The following STAT1 variants were observed in gnomAD, a reference collection of about 807,000 sequenced individuals.
STAT1 encodes signal transducer and activator of transcription 1-alpha/beta.
STAT1 carries 24 observed loss-of-function variants against 111.7 expected under a neutral mutation model. That is an observed-to-expected ratio of 0.21 (90% CI 0.16 to 0.30). The LOEUF (loss-of-function observed/expected upper bound fraction) is 0.30. Among genes scored for constraint, STAT1 ranks in the 10% least tolerant of loss-of-function variants. The pLI is 1.00. For missense variants in STAT1, 351 were observed against 911.9 expected (o/e 0.38, Z 7.92); for synonymous variants, 332 against 326.5 (o/e 1.02, Z -0.18).
intron 1 of STAT1, 123 bp downstream of exon 1, chr2:191,013,895 C>G (rs2125114238): frequency 2.7e-6 from 1 of 376,564 alleles, no homozygotes; most frequent in East Asian, 3.8e-5. Flanking sequence ...CGTTCTTCCT[C>G]TGGGATCACT....
rs913551100 is a variant in STAT1 at position 190,986,754 on chromosome 2, G to T, written c.1221+100C>A. ...CCACAAAGTCTACAAACCCCAGCAG[G>T]GGGGCGTCCTCCACATGGCAATGTG... is the stretch of plus-strand genomic sequence containing the variant. On this transcript the variant is annotated intron_variant, in intron 14 of 24. Coordinates refer to ENST00000361099, the MANE Select transcript of STAT1 (RefSeq NM_007315.4). The surrounding 1 kb of genome is among the most constrained non-coding windows in gnomAD (Gnocchi z 5.0). 1.7e-6 allele frequency: 2 copies of T among 1,164,922 alleles called. No individual in the cohort carries two copies. Among genetic ancestry groups the T allele is most frequent in the South Asian group, 1.2e-5 (1 of 81,488 alleles). 72.2% of individuals were successfully genotyped at this position (1,164,922 alleles called of 1,614,324 possible).
rs1694705888 is a variant in STAT1, at chr2:191,006,433, TG to T, written c.372+1129del. Among the ~76,000 whole-genome samples, 1 of 152,204 alleles carries T rather than the reference TG, an allele frequency of 6.6e-6. No homozygotes were observed. The highest frequency in any genetic ancestry group is 2.1e-4 in the South Asian group (1 of 4,828). ...AGATGCTATCAGTGTGACAAGAAGA[TG>T]GGAACTATACGCCTAGGGAAGTGAC... On this transcript the variant is annotated intron_variant, in intron 5 of 24. Coordinates refer to ENST00000361099, the MANE Select transcript of STAT1 (RefSeq NM_007315.4). This position sits in a 1 kb window ranked among gnomAD's most constrained non-coding sequence, Gnocchi z 4.6.
At position 190,969,185 on chromosome 2, in the gene STAT1, T is replaced by G. The variant is rs1160249930; in HGVS notation, c.*1518A>C. The G allele has an allele frequency of 6.6e-6, 1 of 152,156 alleles. No homozygotes were observed. Among genetic ancestry groups the G allele is most frequent in the East Asian group, 1.9e-4 (1 of 5,204 alleles). 9.4% of individuals were successfully genotyped at this position (152,156 alleles called of 1,614,324 possible). On this transcript the variant is annotated 3_prime_UTR_variant, in exon 25 of 25. Coordinates refer to ENST00000361099, the MANE Select transcript of STAT1 (RefSeq NM_007315.4). ...ATTGTTTTAATGTTGTCTTCTTTGT[T>G]TTTTAGTCATTTCAATTGTAAAATC...
rs1692969967 is a variant in STAT1 at position 190,987,748 on chromosome 2, G to T, written c.1098-680C>A. Among the ~76,000 whole-genome samples, 1 of 152,176 alleles carries T rather than the reference G, an allele frequency of 6.6e-6. No homozygotes were observed. The highest frequency in any genetic ancestry group is 2.4e-5 in the African/African-American group (1 of 41,442). On this transcript the variant is annotated intron_variant, in intron 12 of 24. Coordinates refer to ENST00000361099, the MANE Select transcript of STAT1 (RefSeq NM_007315.4). This position sits in a 1 kb window ranked among gnomAD's most constrained non-coding sequence, Gnocchi z 4.0. ...CCGTGAGCGTCCTAGATGTAGACTA[G>T]AAATCATGGGCTCACTCACAGATCT...
rs2125054031 is a variant in STAT1, at chr2:190,993,213, TG to T, written c.944+1847del. ...TCACACTTGTTCCCTACCAACAATT[TG>T]TTGACGTTTTCACTGGGATAATGAT... On this transcript the variant is annotated intron_variant, in intron 10 of 24. Coordinates refer to ENST00000361099, the MANE Select transcript of STAT1 (RefSeq NM_007315.4). This position sits in a 1 kb window ranked among gnomAD's most constrained non-coding sequence, Gnocchi z 4.1. 1.8e-6 allele frequency: 1 copy of T among 558,204 alleles called. No individual in the cohort carries two copies. Among genetic ancestry groups the T allele is most frequent in the South Asian group, 1.8e-5 (1 of 57,020 alleles). The allele number at this position is 558,204 out of a possible 1,614,324, so 34.6% of individuals were successfully genotyped here.
chr2:190,982,315 A>G lies in STAT1; in HGVS notation c.1582+68T>C. 6.3e-7 allele frequency: 1 copy of G among 1,579,624 alleles called. No homozygotes were observed. Among genetic ancestry groups the G allele is most frequent in the Middle Eastern group, 1.7e-4 (1 of 5,932 alleles). ...CTTTAACAAAATAGCAGAGGGGAAA[A>G]GAGCAATTAGAGAGATATTTTTATG... On this transcript the variant is annotated intron_variant, in intron 18 of 24. Coordinates refer to ENST00000361099, the MANE Select transcript of STAT1 (RefSeq NM_007315.4). This position sits in a 1 kb window ranked among gnomAD's most constrained non-coding sequence, Gnocchi z 7.3.
At position 191,007,736 on chromosome 2, in the gene STAT1, T is replaced by C. The variant is rs1466330446; in HGVS notation, c.274-75A>G. 18 of 1,109,734 alleles carry C rather than the reference T, an allele frequency of 1.6e-5. No homozygotes were observed. Among genetic ancestry groups the C allele is most frequent in the Non-Finnish European group, 2.7e-6 (2 of 730,228 alleles). 68.7% of individuals were successfully genotyped at this position (1,109,734 alleles called of 1,614,324 possible). A position where few individuals can be genotyped will look rare whatever the true frequency, so the allele number is the denominator to read the frequency against. Reference sequence around the variant, plus strand: ...CTTTATTGTGTATTGTAAGTTGATATGAATTTGTTTATATTCTCCGGGAAA... The same window carrying C: ...CTTTATTGTGTATTGTAAGTTGATACGAATTTGTTTATATTCTCCGGGAAA... On this transcript the variant is annotated intron_variant, in intron 4 of 24. Coordinates refer to ENST00000361099, the MANE Select transcript of STAT1 (RefSeq NM_007315.4). This position sits in a 1 kb window ranked among gnomAD's most constrained non-coding sequence, Gnocchi z 4.2.
chr2:190,983,364 G>A lies in STAT1; in HGVS notation c.1446+278C>T, dbSNP rs1361415005. Among the ~76,000 whole-genome samples the A allele has an allele frequency of 1.3e-5, 2 of 152,200 alleles. No individual in the cohort carries two copies. The highest frequency in any genetic ancestry group is 2.1e-4 in the South Asian group (1 of 4,834). The stretch of plus-strand genomic sequence containing the variant: ...CACACTCTAAGAATGGAGCATGCTT[G>A]TTTAGTAGATGTATACATTTTAAAA... On this transcript the variant is annotated intron_variant, in intron 17 of 24. Coordinates refer to ENST00000361099, the MANE Select transcript of STAT1 (RefSeq NM_007315.4). The surrounding 1 kb of genome is among the most constrained non-coding windows in gnomAD (Gnocchi z 5.7).
Position 191,000,809 on chromosome 2 carries a change from G to C in STAT1, c.462+265C>G, listed in dbSNP as rs894384792. 3.9e-5 allele frequency among the ~76,000 whole-genome samples: 6 copies of C among 152,116 alleles called. No individual in the cohort carries two copies. The highest frequency in any genetic ancestry group is 7.4e-5 in the Non-Finnish European group (5 of 68,022). ...CAACATCTCATTTACTGGGTACTGG[G>C]CAAAGTCAACATTTACTGCATGATC... On this transcript the variant is annotated intron_variant, in intron 6 of 24. Transcript: ENST00000361099. The surrounding 1 kb of genome is among the most constrained non-coding windows in gnomAD (Gnocchi z 4.8).
At chr2:190,994,246 C>G (rs528883841) in intron 10 of STAT1, among the ~76,000 whole-genome samples, 3 of 152,086 alleles carry the variant, frequency 2.0e-5, no homozygotes, top group East Asian at 1.9e-4. Flanking sequence ...TAGAAAGGGG[C>G]GTGTGTGGAC....
At position 190,993,702 on chromosome 2, in the gene STAT1, GC is replaced by G; in HGVS notation, c.944+1358del. The G allele has an allele frequency of 2.5e-6, 1 of 401,166 alleles. No individual in the cohort carries two copies. Among genetic ancestry groups the G allele is most frequent in the South Asian group, 2.2e-5 (1 of 45,778 alleles). 24.9% of individuals were successfully genotyped at this position (401,166 alleles called of 1,614,324 possible). ...GAGAGTAAATGTCTTCCCCGACTCT[GC>G]CCCCTGGAACGCAATCAGCAGCCGC... On this transcript the variant is annotated intron_variant, in intron 10 of 24. Transcript: ENST00000361099. This position sits in a 1 kb window ranked among gnomAD's most constrained non-coding sequence, Gnocchi z 4.1.
Position 190,995,955 on chromosome 2 carries a change from G to A in STAT1, c.786-736C>T, listed in dbSNP as rs999743193. Among the ~76,000 whole-genome samples, 1 of 152,154 alleles carries A rather than the reference G, an allele frequency of 6.6e-6. No homozygotes were observed. Among genetic ancestry groups the A allele is most frequent in the Non-Finnish European group, 1.5e-5 (1 of 68,030 alleles). On this transcript the variant is annotated intron_variant, in intron 9 of 24. Coordinates refer to ENST00000361099, the MANE Select transcript of STAT1 (RefSeq NM_007315.4). This position sits in a 1 kb window ranked among gnomAD's most constrained non-coding sequence, Gnocchi z 4.2. ...CAGGTGCTTCCAGGTGATGCAAGAG[G>A]CAGCAAAGAGCCACTGCAGGTTCTG...
chr2:190,985,807 T>C (rs1692758771), intron 14 of STAT1, 147 bp from the exon 15 acceptor site: 1 of 847,016 alleles, frequency 1.2e-6, no homozygotes, highest in Admixed American at 2.0e-5. Flanking sequence ...AAATTGGCCC[T>C]CGTTCAGGGT....
chr2:190,971,162 A>G lies in STAT1; in HGVS notation c.2239-445T>C, dbSNP rs1691431889. Among the ~76,000 whole-genome samples, 1 of 152,212 alleles carries G rather than the reference A, an allele frequency of 6.6e-6. No individual in the cohort carries two copies. Among genetic ancestry groups the G allele is most frequent in the Non-Finnish European group, 1.5e-5 (1 of 68,038 alleles). ...TGACTGTGTTTCAGGTACAGACTAA[A>G]GAAGCAGAATTACTAAGAACCCCTT... On this transcript the variant is annotated intron_variant, in intron 24 of 24. Coordinates refer to ENST00000361099, the MANE Select transcript of STAT1 (RefSeq NM_007315.4). The surrounding 1 kb of genome is among the most constrained non-coding windows in gnomAD (Gnocchi z 4.1).
chr2:190,979,129 T>C lies in STAT1; in HGVS notation c.1728-128A>G. On this transcript the variant is annotated intron_variant, in intron 20 of 24. Coordinates refer to ENST00000361099, the MANE Select transcript of STAT1 (RefSeq NM_007315.4). The surrounding 1 kb of genome is among the most constrained non-coding windows in gnomAD (Gnocchi z 5.8). ...AACCTACGGTAAAAAACGTAGACTA[T>C]TTTAAAATCTGTTCAGTTGACACTT... 8.1e-7 allele frequency: 1 copy of C among 1,242,080 alleles called. No individual in the cohort carries two copies. The highest frequency in any genetic ancestry group is 1.3e-5 in the South Asian group (1 of 77,562). 76.9% of individuals were successfully genotyped at this position (1,242,080 alleles called of 1,614,324 possible).
chr2:191,010,071 C>T, intron 2 of STAT1, 67 bp from the exon 3 acceptor site: 13 of 1,579,272 alleles, frequency 8.2e-6, no homozygotes, highest in Non-Finnish European at 1.1e-5. Context: ...GAAAGCCTTC[C>T]TAGCATCAGG....
At position 190,989,414 on chromosome 2, in the gene STAT1, T is replaced by A. The variant is rs1195814846; in HGVS notation, c.1097+201A>T. Among the ~76,000 whole-genome samples the A allele has an allele frequency of 6.6e-6, 1 of 152,226 alleles. No individual in the cohort carries two copies. The highest frequency in any genetic ancestry group is 1.5e-5 in the Non-Finnish European group (1 of 68,030). ...GGTCATTTGTGATGGCCCTGGTGGA[T>A]CTGACTAGAAGTCTCTGCTCATGCG... On this transcript the variant is annotated intron_variant, in intron 12 of 24. Transcript: ENST00000361099. The surrounding 1 kb of genome is among the most constrained non-coding windows in gnomAD (Gnocchi z 5.0).
rs962300490 is a variant in STAT1, at chr2:190,995,536, T to C, written c.786-317A>G. On this transcript the variant is annotated intron_variant, in intron 9 of 24. Coordinates refer to ENST00000361099, the MANE Select transcript of STAT1 (RefSeq NM_007315.4). The surrounding 1 kb of genome is among the most constrained non-coding windows in gnomAD (Gnocchi z 4.2). The stretch of plus-strand genomic sequence containing the variant: ...CTTACTCACTACCATGAGAACAGTA[T>C]TGGGGGAACCACCCCCATGATTCAA... 1.3e-5 allele frequency among the ~76,000 whole-genome samples: 2 copies of C among 152,138 alleles called. No homozygotes were observed. Among genetic ancestry groups the C allele is most frequent in the African/African-American group, 4.8e-5 (2 of 41,428 alleles).
At chr2:191,001,905 A>G (rs895173678) in intron 5 of STAT1, among the ~76,000 whole-genome samples, 4 of 152,198 alleles carry the variant, frequency 2.6e-5, no homozygotes, top group Non-Finnish European at 5.9e-5. Context: ...TCTCATAGAG[A>G]TTAAATTCTA....
Sources: gnomAD v4.1 joint callset for allele counts (sites outside exome capture counted in the v4.1 genomes callset) on GRCh38, gnomAD v4.1.1 for gene constraint, Gnocchi (gnomAD v3.1) non-coding constraint, MANE v1.5 for transcripts, NCBI Gene and HGNC (gene_info 2026-07-23, HGNC 2026-07-21) for gene names.